Variants in GLT8D2 observed in about 807,000 individuals in gnomAD.
The protein encoded by GLT8D2 is glycosyltransferase 8 domain containing 2.
GLT8D2 carries 45 observed loss-of-function variants against 44.5 expected under a neutral mutation model. The observed-to-expected ratio is 1.01, with a 90% CI of 0.80 to 1.30. The LOEUF is 1.30. Among genes scored for constraint, GLT8D2 ranks in the 50% most tolerant of loss-of-function variants. The pLI is 0.00. For synonymous variants in GLT8D2, 156 were observed against 157.2 expected, an observed-to-expected ratio of 0.99 and a Z score of 0.06; for missense variants, 400 against 430.4, an observed-to-expected ratio of 0.93 and a Z score of 0.62.
intron 4 of GLT8D2, among the ~76,000 whole-genome samples, chr12:104,009,348 C>G (rs1206241620): frequency 6.6e-6 from 1 of 152,224 alleles, no homozygotes; most frequent in African/African-American, 2.4e-5. Context: ...GACTGCCCCG[C>G]TGGATTTTGG....
At chr12:104,019,569 C>A (rs1158353473) in intron 3 of GLT8D2, 61 bp downstream of exon 3, 33 of 1,336,354 alleles carry the variant, frequency 2.5e-5, no homozygotes, top group Non-Finnish European at 3.3e-5. Context: ...CAAGCCCCAG[C>A]CTCAAAACCA....
At chr12:104,010,906 C>T (rs1226120601) in intron 4 of GLT8D2, among the ~76,000 whole-genome samples, 1 of 152,170 alleles carries the variant, frequency 6.6e-6, no homozygotes, top group Non-Finnish European at 1.5e-5. Flanking sequence ...GCCTGGCTGC[C>T]AGAGTCAGAC....
At chr12:103,994,537 CG>C (rs1310338453) in intron 8 of GLT8D2, 36 bp from the exon 9 acceptor site, 14 of 1,535,160 alleles carry the variant, frequency 9.1e-6, no homozygotes, top group Non-Finnish European at 1.2e-5. Context: ...TTTTGACCAG[CG>C]AATCTTTTGT....
chr12:103,989,707 C>T (rs1272195557), intron 10 of GLT8D2, 130 bp from the exon 11 acceptor site: 3 of 735,196 alleles, frequency 4.1e-6, no homozygotes, highest in Admixed American at 3.1e-5. Flanking sequence ...ATTTTCTACC[C>T]ACCCCAGGTC....
chr12:104,003,374 T>C, intron 4 of GLT8D2, 68 bp from the exon 5 acceptor site: 1 of 1,343,896 alleles, frequency 7.4e-7, no homozygotes, highest in Non-Finnish European at 1.1e-6. Flanking sequence ...TTAATGCATC[T>C]TCCATACTCC....
At chr12:103,997,731 C>T (rs1249680752) in intron 6 of GLT8D2, among the ~76,000 whole-genome samples, 196 bp from the exon 7 acceptor site, 19 of 152,096 alleles carry the variant, frequency 1.2e-4, no homozygotes, top group Admixed American at 9.2e-4. Context: ...CTGAAGCCAG[C>T]GCTGACGGAT....
chr12:103,996,586 A>G (rs1873450142), intron 8 of GLT8D2, 149 bp downstream of exon 8: 2 of 511,878 alleles, frequency 3.9e-6, no homozygotes, highest in South Asian at 8.4e-5. Context: ...CCAAAGTCCC[A>G]GACCCCTGTA....
intron 1 of GLT8D2, chr12:104,049,625 T>G (rs1295291495): frequency 6.6e-6 from 1 of 152,160 alleles, no homozygotes; most frequent in Non-Finnish European, 1.5e-5. Flanking sequence ...AATTATCATA[T>G]TTGTGGAGAG....
chr12:104,018,353 T>C (rs1191747426), intron 3 of GLT8D2, among the ~76,000 whole-genome samples: 1 of 152,184 alleles, frequency 6.6e-6, no homozygotes, highest in Non-Finnish European at 1.5e-5. Flanking sequence ...CCTCTATGCC[T>C]TTGTCTTCCC....
intron 1 of GLT8D2, among the ~76,000 whole-genome samples, chr12:104,030,155 G>T (rs1438094204): frequency 6.6e-6 from 1 of 152,012 alleles, no homozygotes; most frequent in African/African-American, 2.4e-5. Context: ...TAGATCAATG[G>T]AACATAGACC....
intron 1 of GLT8D2, among the ~76,000 whole-genome samples, chr12:104,044,825 C>T (rs370026225): frequency 1.3e-5 from 2 of 151,940 alleles, no homozygotes; most frequent in South Asian, 4.1e-4. Context: ...TTCTTTTTTT[C>T]GCTTGAAACA....
At chr12:104,019,332 T>C (rs1003572670) in intron 3 of GLT8D2, among the ~76,000 whole-genome samples, 4 of 152,092 alleles carry the variant, frequency 2.6e-5, no homozygotes, top group African/African-American at 9.7e-5. Context: ...CTCTCCATGT[T>C]ACCCAGGCTG....
intron 1 of GLT8D2, among the ~76,000 whole-genome samples, chr12:104,062,064 G>A (rs1257666685): frequency 1.3e-5 from 2 of 151,648 alleles, no homozygotes; most frequent in African/African-American, 4.8e-5. Flanking sequence ...AATTCCTTTT[G>A]GGGTTTTTGT....
At chr12:104,011,695 T>C (rs565437640) in intron 4 of GLT8D2, among the ~76,000 whole-genome samples, 2 of 152,212 alleles carry the variant, frequency 1.3e-5, no homozygotes, top group East Asian at 3.9e-4. Context: ...TTTCAAATTA[T>C]AAAAAATAAT....
At chr12:104,053,971 A>T (rs1881951914), upstream of GLT8D2, among the ~76,000 whole-genome samples, 1 of 152,152 alleles carries the variant, frequency 6.6e-6, no homozygotes, top group Non-Finnish European at 1.5e-5. Context: ...TTTAATTTTA[A>T]ATTTAAATAT....
intron 8 of GLT8D2, among the ~76,000 whole-genome samples, chr12:103,995,533 A>G (rs752120510): frequency 2.0e-5 from 3 of 152,162 alleles, no homozygotes; most frequent in Non-Finnish European, 4.4e-5. Context: ...TGATTACTGT[A>G]TTTAAAATAC....
At chr12:104,045,472 C>T (rs111933640) in intron 1 of GLT8D2, among the ~76,000 whole-genome samples, 5,022 of 152,174 alleles carry the variant, frequency 0.033, 284 homozygotes, top group African/African-American at 0.12. Flanking sequence ...AGGCACTGGG[C>T]AGTAGCATCT....
intron 3 of GLT8D2, among the ~76,000 whole-genome samples, chr12:104,016,717 AAGAAAGAAAGAAAGAAAGAAAG>A (rs1227159192): frequency 4.8e-5 from 2 of 41,240 alleles, no homozygotes; most frequent in Non-Finnish European, 1.0e-4. Flanking sequence ...GAGAGAAAGA[AAGAAAGAAAGAAAGAAAGAAAG>A]AAAGAAAGAA....
chr12:103,994,297 C>T, intron 9 of GLT8D2, 38 bp downstream of exon 9: 2 of 1,555,562 alleles, frequency 1.3e-6, no homozygotes, highest in Middle Eastern at 1.8e-4. Flanking sequence ...GATTTTGTTT[C>T]CAAGCATGGA....
Sources: gnomAD v4.1 joint callset for allele counts (sites outside exome capture counted in the v4.1 genomes callset) on GRCh38, gnomAD v4.1.1 for gene constraint, MANE v1.5 for transcripts, NCBI Gene and HGNC (gene_info 2026-07-23, HGNC 2026-07-21) for gene names.